Variants in FAF2 observed in about 807,000 individuals in gnomAD.
The protein encoded by FAF2 is Fas associated factor family member 2.
In FAF2, 9 loss-of-function variants were observed where a neutral mutation model predicts 62.3. That is an observed-to-expected ratio of 0.14 (90% CI 0.09 to 0.25). FAF2 has a LOEUF of 0.25. FAF2 is among the 10% of genes least tolerant of loss of function. The probability of loss-of-function intolerance (pLI) is 1.00; values close to 1 mark genes in which losing one functional copy is unlikely to be tolerated. For synonymous variants in FAF2, 202 were observed against 198.0 expected (o/e 1.02, Z -0.17); for missense variants, 368 against 556.2 (o/e 0.66, Z 3.40).
chr5:176,467,129 C>CTTTTTT (rs374702773), intron 1 of FAF2, among the ~76,000 whole-genome samples: 5 of 94,046 alleles, frequency 5.3e-5, no homozygotes, highest in African/African-American at 9.0e-5. Context: ...TTTTTTTTTC[C>CTTTTTT]TTTTTTTTTT....
intron 1 of FAF2, among the ~76,000 whole-genome samples, chr5:176,458,137 A>T (rs571171704): frequency 1.3e-5 from 2 of 152,104 alleles, no homozygotes; most frequent in East Asian, 3.9e-4. Flanking sequence ...GCTGGAGTGC[A>T]ATTGTACAGT....
At chr5:176,488,884 A>G (rs557576148) in intron 3 of FAF2, 67 bp from the exon 4 acceptor site, 1 of 1,274,028 alleles carries the variant, frequency 7.8e-7, no homozygotes, top group Non-Finnish European at 1.1e-6. Context: ...AGAAAATCTG[A>G]CCTAGCCATT....
intron 1 of FAF2, among the ~76,000 whole-genome samples, chr5:176,458,105 T>C (rs1287445221): frequency 1.3e-5 from 2 of 152,152 alleles, no homozygotes; most frequent in Non-Finnish European, 2.9e-5. Flanking sequence ...TTCTCTTCCT[T>C]GACAGAGTAT....
intron 2 of FAF2, among the ~76,000 whole-genome samples, chr5:176,479,855 C>G (rs971304309): frequency 3.5e-4 from 54 of 152,250 alleles, no homozygotes; most frequent in African/African-American, 1.2e-3. Flanking sequence ...CACCACTGCA[C>G]CCGGCTAATT....
chr5:176,458,095 T>G (rs1205127375), intron 1 of FAF2, among the ~76,000 whole-genome samples: 1 of 151,958 alleles, frequency 6.6e-6, no homozygotes, highest in Non-Finnish European at 1.5e-5. Flanking sequence ...CTCCCTTCTC[T>G]TCTCTTCCTT....
At chr5:176,474,994 AG>A (rs1758662073) in intron 1 of FAF2, among the ~76,000 whole-genome samples, 1 of 152,316 alleles carries the variant, frequency 6.6e-6, no homozygotes, top group South Asian at 2.1e-4. Flanking sequence ...AATTGAAAGC[AG>A]GCTTGTTCAG....
chr5:176,468,925 CAGAG>C (rs1165507666), intron 1 of FAF2, among the ~76,000 whole-genome samples: 1 of 151,818 alleles, frequency 6.6e-6, no homozygotes, highest in Non-Finnish European at 1.5e-5. Flanking sequence ...GAGTGAGTGA[CAGAG>C]AGACCCTGTC....
chr5:176,462,540 C>A (rs191331354), intron 1 of FAF2, among the ~76,000 whole-genome samples: 58 of 152,158 alleles, frequency 3.8e-4, no homozygotes, highest in African/African-American at 1.4e-3. Flanking sequence ...AGGAGAATCA[C>A]TCGAACCCGG....
In FAF2 at chr5:176,476,471, G is replaced by T. The variant is rs75361268; in HGVS notation, c.64-2717G>T. ...CAGTGAATTGTTCCCTGCTCTCAGAGAACTTACATTACACCCTCTGAGAAG... is the reference window on the plus strand; with the variant it reads ...CAGTGAATTGTTCCCTGCTCTCAGATAACTTACATTACACCCTCTGAGAAG... On this transcript the variant is annotated intron_variant, in intron 1 of 10. Transcript: ENST00000261942. 8.5e-5 allele frequency among the ~76,000 whole-genome samples: 13 copies of T among 152,094 alleles called. No individual in the cohort carries two copies. In the East Asian group the frequency reaches 2.5e-3, roughly 29 times the overall value.
chr5:176,501,940 A>G (rs1223675365), intron 10 of FAF2, among the ~76,000 whole-genome samples: 1 of 152,066 alleles, frequency 6.6e-6, no homozygotes, highest in Non-Finnish European at 1.5e-5. Flanking sequence ...TTTTTTTAGT[A>G]GAGATGGGGT....
chr5:176,449,707 TA>T (rs1758131914), intron 1 of FAF2, among the ~76,000 whole-genome samples: 1 of 152,240 alleles, frequency 6.6e-6, no homozygotes, highest in Admixed American at 6.5e-5. Flanking sequence ...AGGATAGACC[TA>T]AAGTTATTGA....
chr5:176,496,757 C>T (rs1755494640), intron 8 of FAF2, 94 bp downstream of exon 8: 2 of 942,618 alleles, frequency 2.1e-6, no homozygotes, highest in Non-Finnish European at 3.0e-6. Context: ...TTCTTCTGTG[C>T]ATCAGGCCGC....
intron 1 of FAF2, among the ~76,000 whole-genome samples, chr5:176,468,636 A>G (rs1345037547): frequency 1.3e-5 from 2 of 152,226 alleles, no homozygotes; most frequent in East Asian, 3.9e-4. Flanking sequence ...AGTTCCTTTT[A>G]AAAGTGAATT....
chr5:176,507,025 GAAA>G lies in FAF2; in HGVS notation c.*83_*85del. The G allele has an allele frequency of 1.1e-6, 1 of 925,186 alleles. No homozygotes were observed. Among genetic ancestry groups the G allele is most frequent in the Middle Eastern group, 2.5e-4 (1 of 4,018 alleles). 57.3% of individuals were successfully genotyped at this position (925,186 alleles called of 1,614,324 possible). A position where few individuals can be genotyped will look rare whatever the true frequency, so the allele number is the denominator to read the frequency against. Reference sequence around the variant, plus strand: ...GAAAAAAGAAAACAACAGCAAGTCAGAAAAAAAAAACAAGAGAGAGAAATTCAT... The same window carrying G: ...GAAAAAAGAAAACAACAGCAAGTCAGAAAAAAACAAGAGAGAGAAATTCAT... On this transcript the variant is annotated 3_prime_UTR_variant, in exon 11 of 11. Coordinates refer to ENST00000261942, the MANE Select transcript of FAF2 (RefSeq NM_014613.3).
At chr5:176,501,132 TA>T (rs1322165421) in intron 10 of FAF2, among the ~76,000 whole-genome samples, 134 of 147,340 alleles carry the variant, frequency 9.1e-4, no homozygotes, top group African/African-American at 3.0e-3. Context: ...AAAAAAAAAA[TA>T]AATAATAATA....
rs1755733111 is a variant in FAF2 at position 176,509,000 on chromosome 5, A to G, written c.*2050A>G. 6.6e-6 allele frequency: 1 copy of G among 152,064 alleles called. No homozygotes were observed. Among genetic ancestry groups the G allele is most frequent in the African/African-American group, 2.4e-5 (1 of 41,380 alleles). 9.4% of individuals were successfully genotyped at this position (152,064 alleles called of 1,614,324 possible). On this transcript the variant is annotated 3_prime_UTR_variant, in exon 11 of 11. Transcript: ENST00000261942. ...ATAATTCAGTCTCTTCTTATTCTAC[A>G]GTGTGCACTTTATGCCTCTCGCCTT...
At chr5:176,451,797 TACATATATATATACACAC>T (rs1758176393) in intron 1 of FAF2, among the ~76,000 whole-genome samples, 1 of 51,776 alleles carries the variant, frequency 1.9e-5, no homozygotes, top group African/African-American at 8.6e-5. Flanking sequence ...TATATATATA[TACATATATATATACACAC>T]ATATATATAT....
At chr5:176,474,507 T>C (rs1360389034) in intron 1 of FAF2, among the ~76,000 whole-genome samples, 3 of 152,224 alleles carry the variant, frequency 2.0e-5, no homozygotes, top group Admixed American at 1.3e-4. Context: ...GATTCTTTTG[T>C]CAAAGTCTGT....
chr5:176,499,283 A>G, intron 9 of FAF2, among the ~76,000 whole-genome samples, 198 bp downstream of exon 9: 1 of 152,108 alleles, frequency 6.6e-6, no homozygotes, highest in East Asian at 1.9e-4. Flanking sequence ...TTAAATATTC[A>G]TTCTTTTTTA....
Sources: allele counts gnomAD v4.1 joint callset (sites outside exome capture counted in the v4.1 genomes callset), GRCh38; gene constraint gnomAD v4.1.1; transcripts MANE v1.5; gene names NCBI Gene and HGNC (gene_info 2026-07-23, HGNC 2026-07-21).